Variants in TENM3 observed in about 807,000 individuals in gnomAD.
TENM3 encodes the protein teneurin-3.
Under a neutral mutation model 255.1 loss-of-function variants are expected in TENM3, and 63 were observed. That is an observed-to-expected ratio of 0.25 (90% CI 0.20 to 0.30). TENM3 has a LOEUF of 0.30. TENM3 is among the 10% of genes least tolerant of loss of function. TENM3 has a pLI of 1.00. For missense variants in TENM3, 2,929 were observed against 3,461.1 expected (o/e 0.85, Z 3.86); for synonymous variants, 1,306 against 1,322.3 (o/e 0.99, Z 0.27).
intron 1 of TENM3, among the ~76,000 whole-genome samples, chr4:182,298,878 T>G (rs71636178): frequency 6.9e-6 from 1 of 144,434 alleles, no homozygotes; most frequent in East Asian, 2.1e-4. Context: ...GAGGCTGAGG[T>G]GGGAGGATGG....
chr4:181,459,437 A>G, the TENM3 span, among the ~76,000 whole-genome samples: 1 of 151,882 alleles, frequency 6.6e-6, no homozygotes, highest in Non-Finnish European at 1.5e-5. Context: ...TATTCCATAA[A>G]AATTTCCTCC....
intron 3 of TENM3, among the ~76,000 whole-genome samples, chr4:182,453,577 CT>C (rs1265865193): frequency 1.3e-5 from 2 of 152,102 alleles, no homozygotes; most frequent in African/African-American, 2.4e-5. Context: ...ATAAAAAACA[CT>C]TTAGTCTTTT....
At chr4:181,657,197 C>G in the TENM3 span, among the ~76,000 whole-genome samples, 1 of 152,144 alleles carries the variant, frequency 6.6e-6, no homozygotes, top group Non-Finnish European at 1.5e-5. Context: ...CAATGAGTTG[C>G]ACCAGGAAAA....
At chr4:182,015,869 C>G in the TENM3 span, among the ~76,000 whole-genome samples, 5 of 152,086 alleles carry the variant, frequency 3.3e-5, no homozygotes, top group Admixed American at 3.3e-4. Flanking sequence ...TTTAAGATGA[C>G]CCTCCTCATC....
the TENM3 span, among the ~76,000 whole-genome samples, chr4:181,791,357 G>A: frequency 6.6e-6 from 1 of 152,074 alleles, no homozygotes; most frequent in East Asian, 1.9e-4. Flanking sequence ...GAAGTCTCTA[G>A]CCTGCTTTGC....
intron 3 of TENM3, among the ~76,000 whole-genome samples, chr4:182,546,571 G>T (rs1741473712): frequency 6.6e-6 from 1 of 151,634 alleles, no homozygotes; most frequent in African/African-American, 2.4e-5. Context: ...AAAGTGCTGG[G>T]AGTACAGGCA....
chr4:182,638,847 C>T (rs534369601), intron 5 of TENM3, among the ~76,000 whole-genome samples: 1 of 152,288 alleles, frequency 6.6e-6, no homozygotes, highest in Admixed American at 6.5e-5. Context: ...CAGTAAGCCT[C>T]CACCTGCCCC....
the TENM3 span, among the ~76,000 whole-genome samples, chr4:181,678,843 A>AC: frequency 0.47 from 64,229 of 136,974 alleles, 15,413 homozygotes; most frequent in Admixed American, 0.56. Flanking sequence ...GTTTTAAACA[A>AC]AAAAAAAAAA....
chr4:181,636,645 C>A, the TENM3 span, among the ~76,000 whole-genome samples: 1 of 152,212 alleles, frequency 6.6e-6, no homozygotes, highest in Non-Finnish European at 1.5e-5. Context: ...ACTCCACCCA[C>A]TTCTCCCCAC....
chr4:181,829,643 C>A, the TENM3 span, among the ~76,000 whole-genome samples: 3 of 152,160 alleles, frequency 2.0e-5, no homozygotes, highest in African/African-American at 7.2e-5. Context: ...AGGCTCCAGG[C>A]GAGGTAGGGA....
Position 182,529,890 on chromosome 4 carries a change from T to C in TENM3, c.512-71034T>C, listed in dbSNP as rs915566375. ...TGTACACGTGCCAAATGATTTAAATTGGGCTCTAGTGAGGAGAGACCAATA... is the reference window on the plus strand; with the variant it reads ...TGTACACGTGCCAAATGATTTAAATCGGGCTCTAGTGAGGAGAGACCAATA... On this transcript the variant is annotated intron_variant, in intron 3 of 27. Transcript: ENST00000511685. Among the ~76,000 whole-genome samples the C allele has an allele frequency of 1.3e-5, 2 of 152,338 alleles. 1 individual carries two copies. The highest frequency in any genetic ancestry group is 4.1e-4 in the South Asian group (2 of 4,828).
the TENM3 span, among the ~76,000 whole-genome samples, chr4:181,733,115 C>T: frequency 4.6e-5 from 7 of 152,036 alleles, no homozygotes; most frequent in Admixed American, 4.6e-4. Context: ...CTTTGGACCT[C>T]TGGAATTAAA....
At chr4:181,876,445 A>G in the TENM3 span, among the ~76,000 whole-genome samples, 1 of 152,154 alleles carries the variant, frequency 6.6e-6, no homozygotes, top group South Asian at 2.1e-4. Flanking sequence ...ATTTTGAGAG[A>G]GTGGCAGCTT....
chr4:181,595,444 A>AAAACAAAAAAC, the TENM3 span, among the ~76,000 whole-genome samples: 1 of 129,582 alleles, frequency 7.7e-6, no homozygotes, highest in African/African-American at 2.9e-5. Flanking sequence ...AAAAAAAAAA[A>AAAACAAAAAAC]AAAAAAAAAA....
chr4:182,413,615 C>CAA (rs57318207), intron 3 of TENM3, among the ~76,000 whole-genome samples: 2 of 144,388 alleles, frequency 1.4e-5, no homozygotes, highest in African/African-American at 5.1e-5. Flanking sequence ...GACTCTGTCT[C>CAA]AAAAAAAAAA....
intron 3 of TENM3, among the ~76,000 whole-genome samples, chr4:182,499,690 T>G (rs1295961119): frequency 1.3e-5 from 2 of 152,182 alleles, no homozygotes. Flanking sequence ...AGTACTTTCA[T>G]TGCTCACAGC....
At chr4:182,363,929 G>C (rs1383641345) in intron 3 of TENM3, among the ~76,000 whole-genome samples, 1 of 152,064 alleles carries the variant, frequency 6.6e-6, no homozygotes, top group Non-Finnish European at 1.5e-5. Context: ...TGAAATATCA[G>C]TTGCTACAGA....
At position 182,717,338 on chromosome 4, in the gene TENM3, C is replaced by T. The variant is rs150659439; in HGVS notation, c.2368+3105C>T. ...GGAATAGGAAGAACGTAGATGGGGGCGACTTATCTTCAGCCACCCTTTTAA... is the reference window on the plus strand; with the variant it reads ...GGAATAGGAAGAACGTAGATGGGGGTGACTTATCTTCAGCCACCCTTTTAA... On this transcript the variant is annotated intron_variant, in intron 13 of 27. Coordinates refer to ENST00000511685, the MANE Select transcript of TENM3 (RefSeq NM_001080477.4). 7.0e-3 allele frequency among the ~76,000 whole-genome samples: 1,068 copies of T among 152,234 alleles called. 13 individuals are homozygous for T. The highest frequency in any genetic ancestry group is 0.022 in the African/African-American group (924 of 41,520).
At chr4:182,553,701 G>A (rs966526242) in intron 3 of TENM3, among the ~76,000 whole-genome samples, 5 of 152,158 alleles carry the variant, frequency 3.3e-5, no homozygotes, top group African/African-American at 1.2e-4. Flanking sequence ...GATTTGAAAG[G>A]CATTCTTGCC....
Sources: allele counts gnomAD v4.1 joint callset (sites outside exome capture counted in the v4.1 genomes callset), GRCh38; gene constraint gnomAD v4.1.1; transcripts MANE v1.5; gene names NCBI Gene and HGNC (gene_info 2026-07-23, HGNC 2026-07-21).